Variants in ADRA1D observed in about 807,000 individuals in gnomAD.
ADRA1D encodes alpha-1D adrenergic receptor.
ADRA1D carries 22 observed loss-of-function variants against 18.6 expected under a neutral mutation model. The ratio of observed to expected loss-of-function variants is 1.19; its 90% CI spans 0.85 to 1.69. The LOEUF is 1.69. ADRA1D is among the 40% of genes most tolerant of loss of function. The pLI, the probability that ADRA1D is intolerant of heterozygous loss-of-function variation, is 0.00. For synonymous variants in ADRA1D, 376 were observed against 388.2 expected (o/e 0.97, Z 0.37); for missense variants, 840 against 840.7 (o/e 1.00, Z 0.01).
intron 1 of ADRA1D, among the ~76,000 whole-genome samples, chr20:4,237,157 A>G (rs1442398822): frequency 6.6e-6 from 1 of 152,108 alleles, no homozygotes; most frequent in African/African-American, 2.4e-5. Context: ...CCAGAGGACC[A>G]GGAGGGAGAT....
In ADRA1D at chr20:4,249,113, C is replaced by T. The variant is rs1981443404; in HGVS notation, c.-156G>A. ...TTCCTGTGACGCGGAGCGCGGCTGT[C>T]CGAGAGCGGAGCTGCCTGGCCCGGG... On this transcript the variant is annotated 5_prime_UTR_variant, in exon 1 of 2. Coordinates refer to ENST00000379453, the MANE Select transcript of ADRA1D (RefSeq NM_000678.4). The T allele has an allele frequency of 3.4e-6, 2 of 581,060 alleles. No homozygotes were observed. The highest frequency in any genetic ancestry group is 8.1e-5 in the East Asian group (1 of 12,360). 36.0% of individuals were successfully genotyped at this position (581,060 alleles called of 1,614,324 possible).
chr20:4,248,126 A>G lies in ADRA1D; in HGVS notation c.832T>C (p.Tyr278His). 6.4e-7 allele frequency: 1 copy of G among 1,568,472 alleles called. No individual in the cohort carries two copies. The highest frequency in any genetic ancestry group is 8.6e-7 in the Non-Finnish European group (1 of 1,156,636). ...CGCGTGGTGCTGCGCGCGACCACGT[A>G]CACGCGGCAGTACATGACCACGATG... ...AVIVVMYCRV[Y>H]VVARSTTRSL... The change falls in exon 1 of 2, where the codon TAC becomes CAC. Residue 278 changes from tyrosine (Y) to histidine (H), a missense_variant. By Grantham distance (83) the Tyr-to-His change is moderately conservative. Coordinates refer to ENST00000379453, the MANE Select transcript of ADRA1D (RefSeq NM_000678.4).
Position 4,248,124 on chromosome 20 carries a change from G to T in ADRA1D, c.834C>A (p.Tyr278Ter), listed in dbSNP as rs547077475. Residue 278 changes from tyrosine (Y) to a stop codon, truncating the protein, a stop_gained, in exon 1 of 2, where the codon TAC becomes TAA. Transcript: ENST00000379453. LOFTEE classifies it high-confidence loss of function. The part of the protein sequence containing the change: ...AVIVVMYCRV[Y>*]VVARSTTRSL... ...TGCGCGTGGTGCTGCGCGCGACCAC[G>T]TACACGCGGCAGTACATGACCACGA... is the stretch of plus-strand genomic sequence containing the variant. 1 of 1,567,472 alleles carries T rather than the reference G, an allele frequency of 6.4e-7. No individual in the cohort carries two copies. Among genetic ancestry groups the T allele is most frequent in the Non-Finnish European group, 8.6e-7 (1 of 1,156,150 alleles).
intron 1 of ADRA1D, among the ~76,000 whole-genome samples, chr20:4,230,857 C>T (rs796466066): frequency 1.1e-4 from 16 of 152,324 alleles, no homozygotes; most frequent in African/African-American, 3.8e-4. Context: ...CCCCCAGTCC[C>T]TGCAGCCCCA....
At chr20:4,238,543 T>TGA (rs749957218) in intron 1 of ADRA1D, among the ~76,000 whole-genome samples, 1 of 151,954 alleles carries the variant, frequency 6.6e-6, no homozygotes, top group African/African-American at 2.4e-5. Flanking sequence ...GAAAAAGGGT[T>TGA]GAGAGAGAGT....
At chr20:4,243,321 A>C (rs925711977) in intron 1 of ADRA1D, among the ~76,000 whole-genome samples, 1 of 145,798 alleles carries the variant, frequency 6.9e-6, no homozygotes, top group Non-Finnish European at 1.5e-5. Flanking sequence ...CCCCTCCCAC[A>C]CTCACTCTAC....
chr20:4,245,146 T>C (rs949336200), intron 1 of ADRA1D, among the ~76,000 whole-genome samples: 4 of 152,206 alleles, frequency 2.6e-5, no homozygotes, highest in African/African-American at 9.7e-5. Context: ...CCTTTTGCAG[T>C]GTTGATTGGA....
intron 1 of ADRA1D, among the ~76,000 whole-genome samples, chr20:4,245,418 G>A (rs767732472): frequency 3.3e-5 from 5 of 152,282 alleles, no homozygotes; most frequent in Middle Eastern, 3.4e-3. Flanking sequence ...ATATACTCCA[G>A]ATTTATCTCT....
At chr20:4,224,829 C>G (rs1289296704) in intron 1 of ADRA1D, among the ~76,000 whole-genome samples, 2 of 151,940 alleles carry the variant, frequency 1.3e-5, no homozygotes, top group African/African-American at 4.8e-5. Flanking sequence ...TCTCTTTGAC[C>G]TGGGGAATAT....
intron 1 of ADRA1D, among the ~76,000 whole-genome samples, chr20:4,232,039 A>G (rs1183387574): frequency 1.3e-5 from 2 of 152,186 alleles, no homozygotes; most frequent in East Asian, 3.9e-4. Context: ...CAGCCTCCCA[A>G]GTAGCTGGGA....
chr20:4,230,885 C>T (rs1980937643), intron 1 of ADRA1D, among the ~76,000 whole-genome samples: 1 of 152,208 alleles, frequency 6.6e-6, no homozygotes, highest in African/African-American at 2.4e-5. Flanking sequence ...TGTCTCCCCA[C>T]CCAGCCTGGC....
chr20:4,244,045 T>G (rs1353153784), intron 1 of ADRA1D, among the ~76,000 whole-genome samples: 7 of 152,322 alleles, frequency 4.6e-5, no homozygotes, highest in African/African-American at 1.7e-4. Flanking sequence ...CCCTCTGGCC[T>G]GACCACAGCA....
At chr20:4,224,411 C>A (rs1431986846) in intron 1 of ADRA1D, among the ~76,000 whole-genome samples, 1 of 152,074 alleles carries the variant, frequency 6.6e-6, no homozygotes, top group African/African-American at 2.4e-5. Flanking sequence ...CCCTGACATC[C>A]ATACCATGGA....
intron 1 of ADRA1D, among the ~76,000 whole-genome samples, chr20:4,247,511 G>T (rs1296069107): frequency 6.6e-6 from 1 of 152,196 alleles, no homozygotes. Flanking sequence ...TCTGTAGGGG[G>T]ACACATACAC....
rs1256390261 is a variant in ADRA1D at position 4,221,947 on chromosome 20, C to T, written c.1295G>A (p.Arg432His). The T allele has an allele frequency of 3.9e-6, 6 of 1,543,890 alleles. No homozygotes were observed. The South Asian group carries it at 5.9e-5, about 15-fold the overall frequency. Residue 432 changes from arginine (R) to histidine (H), a missense_variant, in exon 2 of 2, where the codon CGT becomes CAT. Transcript: ENST00000379453. ...GGCCCGCCAGTGGTGGCCGTAGACA[C>T]GCCAGAGAGGGCGGCGGCGCCGGCG... ...RRRRRRRPLW[R>H]VYGHHWRAST... is the part of the protein sequence containing the mutation.
chr20:4,228,528 G>A (rs142034629), intron 1 of ADRA1D, among the ~76,000 whole-genome samples: 19 of 152,342 alleles, frequency 1.2e-4, no homozygotes, highest in Middle Eastern at 6.8e-3. Context: ...TGCCAAGCAC[G>A]GTGTGAGGAG....
At chr20:4,232,531 G>A (rs2031069589) in intron 1 of ADRA1D, among the ~76,000 whole-genome samples, 1 of 152,202 alleles carries the variant, frequency 6.6e-6, no homozygotes, top group African/African-American at 2.4e-5. Flanking sequence ...AAGGGCTGGG[G>A]TGGGGCTTGC....
intron 1 of ADRA1D, among the ~76,000 whole-genome samples, chr20:4,228,924 C>T (rs1980886905): frequency 6.6e-6 from 1 of 152,184 alleles, no homozygotes; most frequent in Admixed American, 6.5e-5. Flanking sequence ...CTCCTTGTCC[C>T]CACCTGACCT....
intron 1 of ADRA1D, among the ~76,000 whole-genome samples, chr20:4,227,682 C>G (rs1980835075): frequency 1.2e-5 from 1 of 84,840 alleles, no homozygotes; most frequent in African/African-American, 5.1e-5. Flanking sequence ...TTCCTTCCTT[C>G]CCTCTCTCCC....
Sources: allele counts gnomAD v4.1 joint callset (sites outside exome capture counted in the v4.1 genomes callset), GRCh38; gene constraint gnomAD v4.1.1; transcripts MANE v1.5; gene names NCBI Gene and HGNC (gene_info 2026-07-23, HGNC 2026-07-21).